The following ARL8B variants were observed in gnomAD, a reference collection of about 807,000 sequenced individuals.
The protein encoded by ARL8B is ARF like GTPase 8B, also known as ADP-ribosylation factor-like protein 8B.
Under a neutral mutation model 30.6 loss-of-function variants are expected in ARL8B, and 9 were observed. The ratio of observed to expected loss-of-function variants is 0.29; its 90% CI spans 0.18 to 0.51. ARL8B has a LOEUF of 0.51. ARL8B is among the 20% of genes least tolerant of loss of function. ARL8B has a pLI of 0.97. For synonymous variants in ARL8B, 74 were observed against 76.0 expected, an observed-to-expected ratio of 0.97 and a Z score of 0.14; for missense variants, 130 against 227.2, an observed-to-expected ratio of 0.57 and a Z score of 2.75.
At chr3:5,145,562 G>A (rs2054412017) in intron 1 of ARL8B, among the ~76,000 whole-genome samples, 1 of 152,122 alleles carries the variant, frequency 6.6e-6, no homozygotes, top group Non-Finnish European at 1.5e-5. Context: ...ACCGCAAGGG[G>A]CATGCCCTGG....
chr3:5,123,752 C>G (rs758880831), intron 1 of ARL8B, among the ~76,000 whole-genome samples: 1 of 152,154 alleles, frequency 6.6e-6, no homozygotes, highest in African/African-American at 2.4e-5. Context: ...ACTAATAAAG[C>G]AACAGGAATG....
intron 1 of ARL8B, among the ~76,000 whole-genome samples, chr3:5,143,954 G>A (rs1474962331): frequency 6.6e-6 from 1 of 152,198 alleles, no homozygotes; most frequent in Non-Finnish European, 1.5e-5. Flanking sequence ...GTGCTATTGG[G>A]AGACATTTCA....
At chr3:5,153,639 A>AT (rs1217888637) in intron 1 of ARL8B, among the ~76,000 whole-genome samples, 3 of 151,796 alleles carry the variant, frequency 2.0e-5, no homozygotes, top group East Asian at 1.9e-4. Flanking sequence ...TGAAAAAAAA[A>AT]TTTTTTCCTT....
chr3:5,161,059 G>A (rs1479046561), intron 1 of ARL8B, among the ~76,000 whole-genome samples: 1 of 152,130 alleles, frequency 6.6e-6, no homozygotes, highest in African/African-American at 2.4e-5. Flanking sequence ...GCTTGGGACC[G>A]CAGGCATGCC....
At chr3:5,171,706 A>G (rs1464847596) in intron 2 of ARL8B, among the ~76,000 whole-genome samples, 1 of 152,284 alleles carries the variant, frequency 6.6e-6, no homozygotes, top group Non-Finnish European at 1.5e-5. Context: ...TATTTACAGG[A>G]TAATTTCAAA....
intron 1 of ARL8B, among the ~76,000 whole-genome samples, chr3:5,123,999 G>GC (rs2054206462): frequency 6.6e-6 from 1 of 152,004 alleles, no homozygotes; most frequent in African/African-American, 2.4e-5. Context: ...TCCACCTCCT[G>GC]CGTAGCTGGG....
At chr3:5,162,408 GA>G (rs1368850291) in intron 1 of ARL8B, among the ~76,000 whole-genome samples, 1 of 152,206 alleles carries the variant, frequency 6.6e-6, no homozygotes, top group Non-Finnish European at 1.5e-5. Flanking sequence ...AGTGTTTTTG[GA>G]AGAGTTAGAT....
intron 1 of ARL8B, among the ~76,000 whole-genome samples, chr3:5,147,698 T>C (rs2106560898): frequency 6.6e-6 from 1 of 152,234 alleles, no homozygotes; most frequent in South Asian, 2.1e-4. Flanking sequence ...TGAGCTTCCC[T>C]GAATAATTCC....
chr3:5,164,078 A>G (rs140822263), intron 1 of ARL8B, among the ~76,000 whole-genome samples: 2 of 152,324 alleles, frequency 1.3e-5, no homozygotes, highest in African/African-American at 4.8e-5. Flanking sequence ...CCCTGCACAT[A>G]TGAAAAGTTG....
chr3:5,133,239 AG>A (rs2054298359), intron 1 of ARL8B, among the ~76,000 whole-genome samples: 1 of 152,222 alleles, frequency 6.6e-6, no homozygotes, highest in Admixed American at 6.5e-5. Flanking sequence ...CAGCTCCCAC[AG>A]GGCCTTGACT....
intron 1 of ARL8B, among the ~76,000 whole-genome samples, chr3:5,162,051 A>G (rs1323126179): frequency 2.0e-5 from 3 of 152,226 alleles, no homozygotes; most frequent in Non-Finnish European, 4.4e-5. Flanking sequence ...TCAGTTTGCT[A>G]TAGATTCGTT....
chr3:5,142,719 G>A (rs1178447690), intron 1 of ARL8B, among the ~76,000 whole-genome samples: 3 of 152,178 alleles, frequency 2.0e-5, no homozygotes, highest in Admixed American at 6.5e-5. Context: ...TGGAGTTGGA[G>A]TAGTTCCAGG....
In ARL8B at chr3:5,135,776, A is replaced by G. The variant is rs1409768001; in HGVS notation, c.123+13188A>G. Among the ~76,000 whole-genome samples the G allele has an allele frequency of 5.8e-3, 758 of 131,294 alleles. 11 individuals are homozygous for G. The highest frequency in any genetic ancestry group is 0.02 in the African/African-American group (707 of 34,496). The allele number at this position is 131,294 out of a possible 152,430, so 86.1% of individuals were successfully genotyped here. On this transcript the variant is annotated intron_variant, in intron 1 of 6. Coordinates refer to ENST00000256496, the MANE Select transcript of ARL8B (RefSeq NM_018184.3). ...CTGGCCTATTATTATTATTATTATT[A>G]TTATTATTATTATTATTATTATTAT...
chr3:5,130,212 C>T (rs1399369020), intron 1 of ARL8B, among the ~76,000 whole-genome samples: 4 of 148,708 alleles, frequency 2.7e-5, no homozygotes, highest in African/African-American at 1.0e-4. Flanking sequence ...TTTGTAGAGA[C>T]TTCATCTCAC....
rs369029104 is a variant in ARL8B, at chr3:5,122,598, C to T, written c.123+10C>T. The T allele has an allele frequency of 2.7e-5, 43 of 1,593,460 alleles. No individual in the cohort carries two copies. Among genetic ancestry groups the T allele is most frequent in the Non-Finnish European group, 3.4e-5 (40 of 1,167,270 alleles). ...CGTCAATGTCATCGCGGTGAGCGCC[C>T]GCCCACTCACTCGCCCGGGGCTCCG... is the stretch of plus-strand genomic sequence containing the variant. On this transcript the variant is annotated intron_variant, in intron 1 of 6. Transcript: ENST00000256496.
rs140279617 is a variant in ARL8B at position 5,132,862 on chromosome 3, G to T, written c.123+10274G>T. The stretch of plus-strand genomic sequence containing the variant: ...TATTAAGTGCCTTAAGATACAAAAT[G>T]CTATTGGAATTCTCCCCTGACCCAC... On this transcript the variant is annotated intron_variant, in intron 1 of 6. Transcript: ENST00000256496. Among the ~76,000 whole-genome samples, 4 of 152,318 alleles carry T rather than the reference G, an allele frequency of 2.6e-5. No homozygotes were observed. In the East Asian group the frequency reaches 7.7e-4, roughly 29 times the overall value.
chr3:5,166,623 C>T (rs1047176217), intron 1 of ARL8B, among the ~76,000 whole-genome samples: 3 of 152,170 alleles, frequency 2.0e-5, no homozygotes, highest in African/African-American at 7.2e-5. Context: ...CAGGTGTGAG[C>T]CACCGCGCCC....
chr3:5,152,193 A>G (rs1430877861), intron 1 of ARL8B, among the ~76,000 whole-genome samples: 2 of 152,106 alleles, frequency 1.3e-5, no homozygotes, highest in Non-Finnish European at 2.9e-5. Flanking sequence ...GAATGTTGAA[A>G]TCTCTAATTA....
chr3:5,168,814 G>A (rs1330216273), intron 1 of ARL8B, among the ~76,000 whole-genome samples: 1 of 152,184 alleles, frequency 6.6e-6, no homozygotes, highest in East Asian at 1.9e-4. Flanking sequence ...ATGCAAGCTA[G>A]TTGTAAAGTT....
Sources: gnomAD v4.1 joint callset for allele counts (sites outside exome capture counted in the v4.1 genomes callset) on GRCh38, gnomAD v4.1.1 for gene constraint, MANE v1.5 for transcripts, NCBI Gene and HGNC (gene_info 2026-07-23, HGNC 2026-07-21) for gene names.